Variants in SPATA6 observed in about 807,000 individuals in gnomAD.
The protein encoded by SPATA6 is spermatogenesis-associated protein 6.
Under a neutral mutation model 65.3 loss-of-function variants are expected in SPATA6, and 56 were observed. That is an observed-to-expected ratio of 0.86 (90% CI 0.69 to 1.07). The LOEUF (loss-of-function observed/expected upper bound fraction) is 1.07, where lower values mean the gene tolerates loss of function less well. SPATA6 is among the 50% of genes least tolerant of loss of function. The probability of loss-of-function intolerance (pLI) is 0.00; values close to 1 mark genes in which losing one functional copy is unlikely to be tolerated. For missense variants in SPATA6, 590 were observed against 594.8 expected, an observed-to-expected ratio of 0.99 and a Z score of 0.08; for synonymous variants, 199 against 213.2, an observed-to-expected ratio of 0.93 and a Z score of 0.58.
Position 48,399,408 on chromosome 1 carries a change from A to C in SPATA6, c.723T>G (p.Asn241Lys), listed in dbSNP as rs1245057836. 6.2e-7 allele frequency: 1 copy of C among 1,613,204 alleles called. No homozygotes were observed. The highest frequency in any genetic ancestry group is 1.7e-5 in the Admixed American group (1 of 59,856). Residue 241 changes from asparagine to lysine, a missense_variant, in exon 7 of 13, where the codon AAT (asparagine) becomes AAG (lysine). Transcript: ENST00000371847. ...EDTRRRLAHL[N>K]LGPYEFKKET... ...CTTTTTTGAACTCATAGGGTCCCAG[A>C]TTTAAATGGGCCAGCCGCCGCCTGG...
chr1:48,436,515 G>A (rs1393590885), intron 3 of SPATA6: 35 of 1,611,678 alleles, frequency 2.2e-5, no homozygotes, highest in Admixed American at 1.0e-4. Flanking sequence ...GTATTCACAG[G>A]AGTATTAAAG....
chr1:48,298,942 G>A, intron 12 of SPATA6, 49 bp from the exon 13 acceptor site: 1 of 1,557,032 alleles, frequency 6.4e-7, no homozygotes, highest in Non-Finnish European at 8.8e-7. Flanking sequence ...AACAAAATTA[G>A]AGATAGTACT....
intron 9 of SPATA6, among the ~76,000 whole-genome samples, chr1:48,365,103 A>G (rs943026623): frequency 3.9e-5 from 6 of 152,156 alleles, no homozygotes; most frequent in African/African-American, 1.4e-4. Flanking sequence ...AAGATCAGAT[A>G]GTTGTAGATA....
intron 11 of SPATA6, among the ~76,000 whole-genome samples, chr1:48,306,971 G>A (rs916243451): frequency 1.3e-5 from 2 of 151,530 alleles, no homozygotes; most frequent in African/African-American, 4.8e-5. Context: ...TTTAGTTAGT[G>A]CTTTAATGGT....
At chr1:48,330,845 C>A (rs1462570301) in intron 11 of SPATA6, among the ~76,000 whole-genome samples, 1 of 152,176 alleles carries the variant, frequency 6.6e-6, no homozygotes, top group African/African-American at 2.4e-5. Context: ...AGGAAGCACA[C>A]AAACAGCAGA....
chr1:48,411,190 A>T (rs1464370156), intron 5 of SPATA6, among the ~76,000 whole-genome samples: 1 of 152,176 alleles, frequency 6.6e-6, no homozygotes, highest in Admixed American at 6.6e-5. Flanking sequence ...TTTTAATGGC[A>T]CTTTTTATTA....
chr1:48,363,617 G>A (rs918958385), intron 9 of SPATA6, among the ~76,000 whole-genome samples: 6 of 151,730 alleles, frequency 4.0e-5, no homozygotes, highest in Non-Finnish European at 5.9e-5. Context: ...TTACATTTAT[G>A]AAAAGAGTTT....
chr1:48,284,540 A>G, the SPATA6 span, among the ~76,000 whole-genome samples: 1 of 152,016 alleles, frequency 6.6e-6, no homozygotes, highest in Non-Finnish European at 1.5e-5. Flanking sequence ...AGCCTATTTG[A>G]CCTGTATTTT....
chr1:48,369,268 G>A (rs1343744918), intron 9 of SPATA6, among the ~76,000 whole-genome samples: 1 of 152,224 alleles, frequency 6.6e-6, no homozygotes, highest in East Asian at 1.9e-4. Flanking sequence ...CAGTCTGCCA[G>A]TTCTCAGATC....
intron 11 of SPATA6, among the ~76,000 whole-genome samples, chr1:48,343,844 T>C (rs1417084164): frequency 1.3e-5 from 2 of 152,138 alleles, no homozygotes; most frequent in African/African-American, 4.8e-5. Flanking sequence ...TATGTTAAAC[T>C]TTAGTAAGAA....
chr1:48,311,561 C>T (rs77967614), intron 11 of SPATA6, among the ~76,000 whole-genome samples: 4,239 of 151,992 alleles, frequency 0.028, 100 homozygotes, highest in Non-Finnish European at 0.042. Flanking sequence ...AATTAGTAAT[C>T]AAAAAAACTT....
At chr1:48,329,847 G>A (rs1414756217) in intron 11 of SPATA6, among the ~76,000 whole-genome samples, 1 of 152,170 alleles carries the variant, frequency 6.6e-6, no homozygotes, top group African/African-American at 2.4e-5. Flanking sequence ...ACTCTCCACA[G>A]GGACCTGTGC....
the SPATA6 span, among the ~76,000 whole-genome samples, chr1:48,284,189 C>T: frequency 6.6e-6 from 1 of 151,786 alleles, no homozygotes; most frequent in Non-Finnish European, 1.5e-5. Context: ...ATCTTCAATC[C>T]CTGATATCCT....
At chr1:48,371,291 A>G (rs1034891391) in intron 9 of SPATA6, among the ~76,000 whole-genome samples, 35 of 152,072 alleles carry the variant, frequency 2.3e-4, no homozygotes, top group Non-Finnish European at 3.4e-4. Context: ...AGATAGATAG[A>G]TAGATAGATA....
At chr1:48,266,805 TG>T in the SPATA6 span, among the ~76,000 whole-genome samples, 1 of 152,216 alleles carries the variant, frequency 6.6e-6, no homozygotes, top group South Asian at 2.1e-4. Context: ...CAAATTATGC[TG>T]CTTCTATGCC....
rs148037015 is a variant in SPATA6 at position 48,395,234 on chromosome 1, T to A, written c.868+33A>T. ...AAGGCTTGATTGTAGCTCAGGCAAC[T>A]ACAGCAATGAATAAAGACAACTTCT... On this transcript the variant is annotated intron_variant, in intron 8 of 12. Coordinates refer to ENST00000371847, the MANE Select transcript of SPATA6 (RefSeq NM_019073.4). 179 of 1,489,514 alleles carry A rather than the reference T, an allele frequency of 1.2e-4. No individual in the cohort carries two copies. The Middle Eastern group carries it at 2.1e-3, about 18-fold the overall frequency. 92.3% of individuals were successfully genotyped at this position (1,489,514 alleles called of 1,614,324 possible). A position where few individuals can be genotyped will look rare whatever the true frequency, so the allele number is the denominator to read the frequency against.
intron 11 of SPATA6, among the ~76,000 whole-genome samples, chr1:48,312,303 G>C (rs1422718790): frequency 6.6e-6 from 1 of 152,178 alleles, no homozygotes; most frequent in Non-Finnish European, 1.5e-5. Context: ...CAGCCTAACT[G>C]GGAGGCACCC....
intron 3 of SPATA6, chr1:48,436,544 C>A: frequency 6.2e-7 from 1 of 1,612,374 alleles, no homozygotes; most frequent in Non-Finnish European, 8.5e-7. Context: ...ATCCTCATTT[C>A]TGGTGATGGC....
At chr1:48,467,629 A>C (rs991747634) in intron 1 of SPATA6, among the ~76,000 whole-genome samples, 1 of 152,194 alleles carries the variant, frequency 6.6e-6, no homozygotes, top group African/African-American at 2.4e-5. Context: ...AAAGGAAACC[A>C]CTAACAGTAA....
Sources: allele counts gnomAD v4.1 joint callset (sites outside exome capture counted in the v4.1 genomes callset), GRCh38; gene constraint gnomAD v4.1.1; transcripts MANE v1.5; gene names NCBI Gene and HGNC (gene_info 2026-07-23, HGNC 2026-07-21).